RBCK1: variants seen among roughly 807,000 people sequenced by gnomAD.
RBCK1 encodes the protein ranBP-type and C3HC4-type zinc finger-containing protein 1.
In RBCK1, 44 loss-of-function variants were observed where a neutral mutation model predicts 71.1. The ratio of observed to expected loss-of-function variants is 0.62; its 90% confidence interval spans 0.49 to 0.80. The LOEUF is 0.80. Ranked by LOEUF, RBCK1 falls within the 30% of genes least tolerant of loss-of-function variation. RBCK1 has a pLI of 0.00. For synonymous variants in RBCK1, 306 were observed against 279.7 expected (o/e 1.09, Z -0.94); for missense variants, 569 against 685.0 (o/e 0.83, Z 1.89).
At position 430,270 on chromosome 20, in the gene RBCK1, C is replaced by A; in HGVS notation, c.1453-80C>A. 2 of 1,305,292 alleles carry A rather than the reference C, an allele frequency of 1.5e-6. No homozygotes were observed. The highest frequency in any genetic ancestry group is 2.2e-6 in the Non-Finnish European group (2 of 911,174). The allele number at this position is 1,305,292 out of a possible 1,614,324, so 80.9% of individuals were successfully genotyped here. ...GCAGGAGGACCTGCAGAGGCAAAGG[C>A]CCGGGGTGGGAGAGCGCTCGGCTGT... On this transcript the variant is annotated intron_variant, in intron 11 of 11. Transcript: ENST00000356286. This position sits in a 1 kb window ranked among gnomAD's most constrained non-coding sequence, Gnocchi z 5.6.
intron 4 of RBCK1, among the ~76,000 whole-genome samples, chr20:418,473 A>G (rs1259358565): frequency 2.0e-5 from 3 of 152,012 alleles, no homozygotes; most frequent in East Asian, 1.9e-4. Context: ...GGTTCACGCC[A>G]TTCTCCTGCC....
rs1251936352 is a variant in RBCK1 at position 408,648 on chromosome 20, A to C, written c.-110A>C. On this transcript the variant is annotated 5_prime_UTR_variant, in exon 1 of 12. Transcript: ENST00000356286. ...CAGGGCTTGGGCCGCGCCGGAGGCC[A>C]CACGGCCTGGCTGAGTTGCTCCTGG... 2 of 1,462,140 alleles carry C rather than the reference A, an allele frequency of 1.4e-6. No homozygotes were observed. Among genetic ancestry groups the C allele is most frequent in the African/African-American group, 2.8e-5 (2 of 71,878 alleles). 90.6% of individuals were successfully genotyped at this position (1,462,140 alleles called of 1,614,324 possible). A position where few individuals can be genotyped will look rare whatever the true frequency, so the allele number is the denominator to read the frequency against.
chr20:414,367 A>G (rs969640025), intron 2 of RBCK1, among the ~76,000 whole-genome samples: 7 of 152,236 alleles, frequency 4.6e-5, no homozygotes, highest in Admixed American at 2.6e-4. Context: ...AGCCATGATC[A>G]TGCCTGAGTG....
At chr20:419,815 G>T (rs1461267274) in intron 6 of RBCK1, 84 bp downstream of exon 6, 1 of 1,467,410 alleles carries the variant, frequency 6.8e-7, no homozygotes, top group Non-Finnish European at 9.0e-7. Flanking sequence ...GCGCACTGCC[G>T]CGCCTCTCCG....
At chr20:416,423 G>A (rs987738715) in intron 2 of RBCK1, among the ~76,000 whole-genome samples, 4 of 151,960 alleles carry the variant, frequency 2.6e-5, no homozygotes, top group Non-Finnish European at 4.4e-5. Flanking sequence ...GCCTCCCAAA[G>A]TGCTGGGATT....
At chr20:426,815 C>CTTT (rs2016741909) in intron 8 of RBCK1, among the ~76,000 whole-genome samples, 1 of 130,820 alleles carries the variant, frequency 7.6e-6, no homozygotes, top group Admixed American at 7.5e-5. Context: ...CTTTTCTTTT[C>CTTT]CTTTTTTTTT....
In RBCK1 at chr20:408,623, C is replaced by A; in HGVS notation, c.-135C>A. On this transcript the variant is annotated 5_prime_UTR_variant, in exon 1 of 12. Transcript: ENST00000356286. ...TGCCGCGGGGACAGCGAGGCACACA[C>A]AGGGCTTGGGCCGCGCCGGAGGCCA... 8.7e-7 allele frequency: 1 copy of A among 1,149,914 alleles called. No individual in the cohort carries two copies. Among genetic ancestry groups the A allele is most frequent in the Non-Finnish European group, 1.3e-6 (1 of 787,518 alleles). The allele number at this position is 1,149,914 out of a possible 1,614,324, so 71.2% of individuals were successfully genotyped here.
intron 8 of RBCK1, among the ~76,000 whole-genome samples, chr20:427,015 G>A (rs943276726): frequency 1.3e-5 from 2 of 151,024 alleles, no homozygotes; most frequent in African/African-American, 2.4e-5. Context: ...AAAATTTTTT[G>A]GTAGAGATGA....
Position 426,816 on chromosome 20 carries a change from C to CTTTT in RBCK1, c.1030-472_1030-469dup, listed in dbSNP as rs768525416. ...TCACTTTCTTTTTACTTTTCTTTTC[C>CTTTT]TTTTTTTTTTTTTTTTTTTTTTTTT... On this transcript the variant is annotated intron_variant, in intron 8 of 11. Coordinates refer to ENST00000356286, the MANE Select transcript of RBCK1 (RefSeq NM_031229.4). Among the ~76,000 whole-genome samples the CTTTT allele has an allele frequency of 6.0e-4, 57 of 95,474 alleles. 2 individuals carry two copies. Among genetic ancestry groups the CTTTT allele is most frequent in the African/African-American group, 2.7e-3 (50 of 18,718 alleles). The allele number at this position is 95,474 out of a possible 152,430, so 62.6% of individuals were successfully genotyped here. A position where few individuals can be genotyped will look rare whatever the true frequency, so the allele number is the denominator to read the frequency against.
In RBCK1 at chr20:426,816, CTTTTTTTTTT is replaced by C. The variant is rs768525416; in HGVS notation, c.1030-478_1030-469del. ...TCACTTTCTTTTTACTTTTCTTTTC[CTTTTTTTTTT>C]TTTTTTTTTTTTTTTTTTAGCTAGG... On this transcript the variant is annotated intron_variant, in intron 8 of 11. Coordinates refer to ENST00000356286, the MANE Select transcript of RBCK1 (RefSeq NM_031229.4). 3.5e-3 allele frequency among the ~76,000 whole-genome samples: 332 copies of C among 95,472 alleles called. 4 individuals carry two copies. Among genetic ancestry groups the C allele is most frequent in the African/African-American group, 0.017 (314 of 18,718 alleles). The allele number at this position is 95,472 out of a possible 152,430, so 62.6% of individuals were successfully genotyped here. A position where few individuals can be genotyped will look rare whatever the true frequency, so the allele number is the denominator to read the frequency against.
At position 408,378 on chromosome 20, in the gene RBCK1, G is replaced by T; in HGVS notation, c.-380G>T. On this transcript the variant is annotated 5_prime_UTR_variant, in exon 1 of 12. Transcript: ENST00000356286. ...CCGGGAGGAGAGAGGGCTTTGCCTTGAAACCCGGGACGCCAGGGGCGCTCC... is the reference window on the plus strand; with the variant it reads ...CCGGGAGGAGAGAGGGCTTTGCCTTTAAACCCGGGACGCCAGGGGCGCTCC... The T allele has an allele frequency of 2.7e-6, 1 of 369,442 alleles. No homozygotes were observed. Among genetic ancestry groups the T allele is most frequent in the Non-Finnish European group, 4.9e-6 (1 of 202,140 alleles). The allele number at this position is 369,442 out of a possible 1,614,324, so 22.9% of individuals were successfully genotyped here.
At chr20:415,688 C>T (rs1369470744) in intron 2 of RBCK1, among the ~76,000 whole-genome samples, 1 of 152,142 alleles carries the variant, frequency 6.6e-6, no homozygotes, top group East Asian at 1.9e-4. Context: ...TATTAGACCA[C>T]TCTAGCATTG....
At chr20:427,899 C>T (rs1019124682) in intron 9 of RBCK1, among the ~76,000 whole-genome samples, 2 of 152,178 alleles carry the variant, frequency 1.3e-5, no homozygotes, top group East Asian at 3.8e-4. Context: ...CGAGCTCTGA[C>T]CCTGGCTTCT....
chr20:419,955 G>A (rs1481298165), intron 6 of RBCK1: 2 of 985,058 alleles, frequency 2.0e-6, no homozygotes, highest in Non-Finnish European at 2.4e-6. Flanking sequence ...TGGCTGTGGC[G>A]CACATCCAGG....
In RBCK1 at chr20:422,881, G is replaced by C. The variant is rs1218618148; in HGVS notation, c.1029+643G>C. ...AGGGAACTCTGGAGCCTGGTGGCCT[G>C]GGTGTGTGACCACAAGTCAGATATT... On this transcript the variant is annotated intron_variant, in intron 8 of 11. Transcript: ENST00000356286. This position sits in a 1 kb window ranked among gnomAD's most constrained non-coding sequence, Gnocchi z 5.0. Among the ~76,000 whole-genome samples, 5 of 151,956 alleles carry C rather than the reference G, an allele frequency of 3.3e-5. No homozygotes were observed. The East Asian group carries it at 7.7e-4, about 23-fold the overall frequency.
Position 409,975 on chromosome 20 carries a change from G to T in RBCK1, c.117G>T (p.Val39=). The change falls in exon 2 of 12, where the codon GTG becomes GTT. Residue 39 remains valine (V), a synonymous_variant. Coordinates refer to ENST00000356286, the MANE Select transcript of RBCK1 (RefSeq NM_031229.4). The part of the protein sequence containing the change: ...KCAIWLAEQR[V]PLSVQLKPEV... ...CCATCTGGCTGGCAGAGCAACGGGT[G>T]CCCCTGAGTGTGCAACTGAAGCCTG... The T allele has an allele frequency of 6.2e-7, 1 of 1,614,184 alleles. No individual in the cohort carries two copies.
At chr20:420,766 C>A in intron 6 of RBCK1, 105 bp from the exon 7 acceptor site, 3 of 711,926 alleles carry the variant, frequency 4.2e-6, no homozygotes, top group Non-Finnish European at 6.2e-6. Flanking sequence ...TTGCCTGTGG[C>A]TGGTCTGACC....
At position 430,690 on chromosome 20, in the gene RBCK1, G is replaced by A. The variant is rs951769358; in HGVS notation, c.*260G>A. 7.5e-6 allele frequency: 4 copies of A among 534,428 alleles called. No homozygotes were observed. The highest frequency in any genetic ancestry group is 5.7e-5 in the African/African-American group (3 of 52,234). 33.1% of individuals were successfully genotyped at this position (534,428 alleles called of 1,614,324 possible). ...AGCCCCTGGCCAGAGGCCTTGCTGG[G>A]TGGAGCCTCTGTGTGACTCCATACT... is the stretch of plus-strand genomic sequence containing the variant. On this transcript the variant is annotated 3_prime_UTR_variant, in exon 12 of 12. Transcript: ENST00000356286. The surrounding 1 kb of genome is among the most constrained non-coding windows in gnomAD (Gnocchi z 5.6).
chr20:421,803 G>C, intron 7 of RBCK1: 1 of 321,964 alleles, frequency 3.1e-6, no homozygotes. Context: ...GGTAGGATGG[G>C]AGTCACTGGG....
Sources: gnomAD v4.1 joint callset for allele counts (sites outside exome capture counted in the v4.1 genomes callset) on GRCh38, gnomAD v4.1.1 for gene constraint, Gnocchi (gnomAD v3.1) non-coding constraint, MANE v1.5 for transcripts, NCBI Gene and HGNC (gene_info 2026-07-23, HGNC 2026-07-21) for gene names.